Variants in IGF1R observed in about 807,000 individuals in gnomAD.
IGF1R encodes insulin like growth factor 1 receptor, also known as insulin-like growth factor 1 receptor.
Under a neutral mutation model 144.6 loss-of-function variants are expected in IGF1R, and 44 were observed. That is an observed-to-expected ratio of 0.30 (90% confidence interval 0.24 to 0.39). The LOEUF (loss-of-function observed/expected upper bound fraction) is 0.39, where lower values mean the gene tolerates loss of function less well. Among genes scored for constraint, IGF1R ranks in the 10% least tolerant of loss-of-function variants. The pLI, the probability that IGF1R is intolerant of heterozygous loss-of-function variation, is 1.00. For missense variants in IGF1R, 1,355 were observed against 1,833.7 expected (o/e 0.74, Z 4.77); for synonymous variants, 795 against 722.8 (o/e 1.10, Z -1.60).
rs554640824 is a variant in IGF1R at position 98,961,881 on chromosome 15, G to C, written c.*4439G>C. Reference sequence around the variant, plus strand: ...CTCCTGGCCTGTTTCTTAAGATGCGGAGTCACATTTCAATGGTACGAAAAG... The same window carrying C: ...CTCCTGGCCTGTTTCTTAAGATGCGCAGTCACATTTCAATGGTACGAAAAG... On this transcript the variant is annotated 3_prime_UTR_variant, in exon 21 of 21. Transcript: ENST00000650285. The C allele has an allele frequency of 3.1e-4, 73 of 233,362 alleles. 2 individuals are homozygous for C. In the South Asian group the frequency reaches 8.7e-3, roughly 28 times the overall value. 14.5% of individuals were successfully genotyped at this position (233,362 alleles called of 1,614,324 possible).
chr15:98,745,150 A>G (rs1179023697), intron 2 of IGF1R, among the ~76,000 whole-genome samples: 2 of 152,268 alleles, frequency 1.3e-5, no homozygotes, highest in African/African-American at 4.8e-5. Flanking sequence ...GAAGGAAGTC[A>G]TGCTTCTCAA....
intron 2 of IGF1R, among the ~76,000 whole-genome samples, chr15:98,773,840 T>C (rs964816456): frequency 9.2e-5 from 14 of 152,152 alleles, no homozygotes; most frequent in African/African-American, 3.4e-4. Flanking sequence ...CGACATCTTG[T>C]GATCCGGGGG....
At chr15:98,826,624 A>G (rs750468086) in intron 2 of IGF1R, among the ~76,000 whole-genome samples, 4 of 149,662 alleles carry the variant, frequency 2.7e-5, no homozygotes, top group Admixed American at 6.6e-5. Context: ...TGAAGATTTT[A>G]AGTTCTTAGG....
intron 1 of IGF1R, among the ~76,000 whole-genome samples, chr15:98,653,855 C>A (rs980873446): frequency 6.6e-6 from 1 of 152,154 alleles, no homozygotes; most frequent in East Asian, 1.9e-4. Flanking sequence ...GAGTTTTTGC[C>A]AAGAGGAACC....
At position 98,746,281 on chromosome 15, in the gene IGF1R, T is replaced by A. The variant is rs1000741376; in HGVS notation, c.640+38174T>A. ...GGGACAGGTATGGGAGTGACACACC[T>A]CAGTGTACATCTTTGTATCATTTTT... On this transcript the variant is annotated intron_variant, in intron 2 of 20. Coordinates refer to ENST00000650285, the MANE Select transcript of IGF1R (RefSeq NM_000875.5). Among the ~76,000 whole-genome samples the A allele has an allele frequency of 2.0e-5, 3 of 152,296 alleles. 1 individual carries two copies. Among genetic ancestry groups the A allele is most frequent in the African/African-American group, 7.2e-5 (3 of 41,560 alleles).
At position 98,935,461 on chromosome 15, in the gene IGF1R, C is replaced by G; in HGVS notation, c.3297+35C>G. 1.7e-6 allele frequency: 2 copies of G among 1,169,618 alleles called. No individual in the cohort carries two copies. Among genetic ancestry groups the G allele is most frequent in the South Asian group, 1.3e-5 (1 of 76,434 alleles). The allele number at this position is 1,169,618 out of a possible 1,614,324, so 72.5% of individuals were successfully genotyped here. A position where few individuals can be genotyped will look rare whatever the true frequency, so the allele number is the denominator to read the frequency against. On this transcript the variant is annotated intron_variant, in intron 17 of 20. Transcript: ENST00000650285. The surrounding 1 kb of genome is among the most constrained non-coding windows in gnomAD (Gnocchi z 4.2). ...CATTTCCACCGGTATTGCATGTTGC[C>G]TGGCCTGCTCTCTTTTCCTTTATAA...
rs566645463 is a variant in IGF1R, at chr15:98,932,542, A to G, written c.2956+2237A>G. Among the ~76,000 whole-genome samples, 277 of 152,314 alleles carry G rather than the reference A, an allele frequency of 1.8e-3. 1 individual carries two copies. Among genetic ancestry groups the G allele is most frequent in the African/African-American group, 6.3e-3 (262 of 41,574 alleles). ...ATTGACTTCAGGGACCTCCCAGGGA[A>G]TGAATGTGATTGGTTTCAACTCCAT... is the stretch of plus-strand genomic sequence containing the variant. On this transcript the variant is annotated intron_variant, in intron 15 of 20. Transcript: ENST00000650285.
intron 2 of IGF1R, among the ~76,000 whole-genome samples, chr15:98,877,533 CTT>C (rs1011360238): frequency 4.4e-5 from 5 of 112,372 alleles, no homozygotes; most frequent in South Asian, 3.0e-4. Context: ...ATTTGCTACT[CTT>C]GAGGTTCTGT....
chr15:98,778,953 A>G (rs948207993), intron 2 of IGF1R, among the ~76,000 whole-genome samples: 1 of 152,224 alleles, frequency 6.6e-6, no homozygotes, highest in African/African-American at 2.4e-5. Flanking sequence ...TTATGAATAG[A>G]TATCCATGAA....
At chr15:98,725,990 C>T (rs995130536) in intron 2 of IGF1R, among the ~76,000 whole-genome samples, 1 of 152,146 alleles carries the variant, frequency 6.6e-6, no homozygotes, top group Admixed American at 6.5e-5. Flanking sequence ...TTCTGGGAGA[C>T]ACAATTCAAG....
At chr15:98,802,403 A>T (rs1450790524) in intron 2 of IGF1R, among the ~76,000 whole-genome samples, 3 of 152,150 alleles carry the variant, frequency 2.0e-5, no homozygotes, top group Admixed American at 6.5e-5. Flanking sequence ...TGGCTGGCGG[A>T]TTCTGAAGGT....
intron 2 of IGF1R, among the ~76,000 whole-genome samples, chr15:98,831,749 C>T (rs1408722803): frequency 6.6e-6 from 1 of 152,086 alleles, no homozygotes; most frequent in Non-Finnish European, 1.5e-5. Flanking sequence ...TGAATATTTC[C>T]CTGAGACAGC....
Position 98,908,795 on chromosome 15 carries a change from A to C in IGF1R, c.1358A>C (p.Lys453Thr). ...AGKMYFAFNP[K>T]LCVSEIYRME... The stretch of plus-strand genomic sequence containing the variant: ...AAAATGTACTTTGCTTTCAATCCCA[A>C]ATTATGTGTTTCCGAAATTTACCGC... The change falls in exon 6 of 21, where the codon AAA (lysine) becomes ACA (threonine). Residue 453 changes from lysine (K) to threonine (T), a missense_variant. Around this residue, in one of 7 missense-constraint regions of IGF1R, gnomAD observed 880 missense variants for 1,202.7 expected, o/e 0.73. Transcript: ENST00000650285. 6.2e-7 allele frequency: 1 copy of C among 1,614,134 alleles called. No individual in the cohort carries two copies. Among genetic ancestry groups the C allele is most frequent in the Non-Finnish European group, 8.5e-7 (1 of 1,180,004 alleles).
At chr15:98,862,852 A>G (rs2012230939) in intron 2 of IGF1R, among the ~76,000 whole-genome samples, 1 of 152,252 alleles carries the variant, frequency 6.6e-6, no homozygotes, top group South Asian at 2.1e-4. Context: ...GGTTACAAAG[A>G]GTACCAGGAG....
At chr15:98,949,742 G>C (rs1021493926) in intron 20 of IGF1R, among the ~76,000 whole-genome samples, 1 of 152,218 alleles carries the variant, frequency 6.6e-6, no homozygotes, top group African/African-American at 2.4e-5. Flanking sequence ...GAGAGAGTTT[G>C]TGATGCCTCA....
chr15:98,653,955 T>C (rs1291123165), intron 1 of IGF1R, among the ~76,000 whole-genome samples: 2 of 152,234 alleles, frequency 1.3e-5, no homozygotes, highest in Non-Finnish European at 2.9e-5. Flanking sequence ...CCTGCACTTA[T>C]TGTGCACCTA....
intron 1 of IGF1R, among the ~76,000 whole-genome samples, chr15:98,688,911 A>ATC (rs1458284928): frequency 6.6e-6 from 1 of 152,138 alleles, no homozygotes; most frequent in East Asian, 1.9e-4. Flanking sequence ...GCTTTGATTC[A>ATC]TCAGTATATG....
rs60426791 is a variant in IGF1R, at chr15:98,830,605, C to CTTTTTTTTT, written c.641-60711_641-60703dup. Among the ~76,000 whole-genome samples the CTTTTTTTTT allele has an allele frequency of 1.2e-3, 159 of 135,922 alleles. 2 individuals carry two copies. The highest frequency in any genetic ancestry group is 3.0e-3 in the African/African-American group (105 of 35,342). The allele number at this position is 135,922 out of a possible 152,430, so 89.2% of individuals were successfully genotyped here. A position where few individuals can be genotyped will look rare whatever the true frequency, so the allele number is the denominator to read the frequency against. The stretch of plus-strand genomic sequence containing the variant: ...CATGGTTCCAACATCTGATCATCAT[C>CTTTTTTTTT]TTTTTTTTTTTTTTTTTAGATGGAG... On this transcript the variant is annotated intron_variant, in intron 2 of 20. Transcript: ENST00000650285.
chr15:98,799,608 A>G (rs937707159), intron 2 of IGF1R, among the ~76,000 whole-genome samples: 6 of 152,290 alleles, frequency 3.9e-5, no homozygotes, highest in South Asian at 2.1e-4. Context: ...CTCGGCTGTC[A>G]GTCCACAGGC....
Sources: gnomAD v4.1 joint callset for allele counts (sites outside exome capture counted in the v4.1 genomes callset) on GRCh38, gnomAD v4.1.1 for gene constraint, gnomAD v4.1.1 regional missense constraint, Gnocchi (gnomAD v3.1) non-coding constraint, MANE v1.5 for transcripts, NCBI Gene and HGNC (gene_info 2026-07-23, HGNC 2026-07-21) for gene names.